ACTR3C: variants seen among roughly 807,000 people sequenced by gnomAD.
ACTR3C encodes actin-related protein 3C.
In ACTR3C, 18 loss-of-function variants were observed where a neutral mutation model predicts 26.3. That is an observed-to-expected ratio of 0.68 (90% CI 0.47 to 1.01). The LOEUF is 1.01. ACTR3C is among the 50% of genes least tolerant of loss of function. The pLI, the probability that ACTR3C is intolerant of heterozygous loss-of-function variation, is 0.00. For synonymous variants in ACTR3C, 55 were observed against 94.5 expected (o/e 0.58, Z 2.42); for missense variants, 184 against 250.7 (o/e 0.73, Z 1.80).
At chr7:150,242,190 T>G (rs1832218623), downstream of ACTR3C, among the ~76,000 whole-genome samples, 1 of 149,700 alleles carries the variant, frequency 6.7e-6, no homozygotes, top group African/African-American at 2.5e-5. Flanking sequence ...CACTCCAGCC[T>G]GGGCGACACA....
the ACTR3C span, among the ~76,000 whole-genome samples, chr7:150,166,621 C>T: frequency 3.1e-4 from 47 of 150,370 alleles, 1 homozygote; most frequent in Non-Finnish European, 5.4e-4. Context: ...GTGGCTTGAA[C>T]CTGGGAGGCA....
chr7:150,036,628 C>G, the ACTR3C span, among the ~76,000 whole-genome samples: 1 of 143,010 alleles, frequency 7.0e-6, no homozygotes, highest in Admixed American at 6.9e-5. Context: ...TACGAAACCC[C>G]ACAGCTCCTA....
the ACTR3C span, among the ~76,000 whole-genome samples, chr7:150,110,796 C>T: frequency 1.2e-5 from 1 of 86,094 alleles, no homozygotes; most frequent in African/African-American, 4.8e-5. Flanking sequence ...GAGGCAAGGC[C>T]GGCAGGGGGC....
intron 4 of ACTR3C, among the ~76,000 whole-genome samples, chr7:150,287,027 C>T (rs1470989002): frequency 2.0e-5 from 3 of 152,176 alleles, no homozygotes; most frequent in Admixed American, 1.3e-4. Context: ...TGCCACAAGC[C>T]GGGTGGCCAC....
the ACTR3C span, among the ~76,000 whole-genome samples, chr7:149,882,799 G>A: frequency 6.6e-6 from 1 of 152,192 alleles, no homozygotes; most frequent in Non-Finnish European, 1.5e-5. Flanking sequence ...GAGAACGTAG[G>A]AGTCGGGAAA....
At chr7:150,163,103 G>A in the ACTR3C span, among the ~76,000 whole-genome samples, 65 of 151,430 alleles carry the variant, frequency 4.3e-4, no homozygotes, top group Non-Finnish European at 6.0e-4. Context: ...GCAGCAGGTC[G>A]AGATCACACC....
At chr7:150,030,750 C>A in the ACTR3C span, among the ~76,000 whole-genome samples, 2 of 152,094 alleles carry the variant, frequency 1.3e-5, no homozygotes, top group African/African-American at 4.8e-5. Context: ...TTCCCACACA[C>A]CCCTCCCACC....
chr7:149,959,479 T>C, the ACTR3C span, among the ~76,000 whole-genome samples: 1 of 152,186 alleles, frequency 6.6e-6, no homozygotes, highest in East Asian at 1.9e-4. Flanking sequence ...GCTTTTGTGT[T>C]ATCTCTCTAG....
At chr7:150,131,752 G>A in the ACTR3C span, among the ~76,000 whole-genome samples, 53 of 152,210 alleles carry the variant, frequency 3.5e-4, no homozygotes, top group African/African-American at 6.7e-4. Context: ...ACAAAAGCAC[G>A]TACACAAATA....
chr7:149,944,708 C>A, the ACTR3C span, among the ~76,000 whole-genome samples: 4 of 151,864 alleles, frequency 2.6e-5, no homozygotes, highest in African/African-American at 9.7e-5. Flanking sequence ...TGTGGCAAGC[C>A]TACCCCACTG....
chr7:149,921,333 G>A, the ACTR3C span, among the ~76,000 whole-genome samples: 5 of 151,808 alleles, frequency 3.3e-5, no homozygotes, highest in Admixed American at 1.3e-4. Context: ...CTTTCCTACC[G>A]TGGTCTACGT....
intron 6 of ACTR3C, among the ~76,000 whole-genome samples, chr7:150,251,723 G>T (rs1163001911): frequency 6.6e-6 from 1 of 151,944 alleles, no homozygotes; most frequent in African/African-American, 2.4e-5. Context: ...ATTAGCACTA[G>T]CTTAGAGGAA....
chr7:150,319,622 G>A (rs190773279), intron 1 of ACTR3C, among the ~76,000 whole-genome samples: 1 of 152,328 alleles, frequency 6.6e-6, no homozygotes, highest in East Asian at 1.9e-4. Flanking sequence ...TGGGAAGATG[G>A]AGGCAAAGCA....
At chr7:149,992,143 G>A in the ACTR3C span, among the ~76,000 whole-genome samples, 1 of 152,204 alleles carries the variant, frequency 6.6e-6, no homozygotes, top group Non-Finnish European at 1.5e-5. Flanking sequence ...TTATGCAAAG[G>A]TTAAGAGCTG....
chr7:150,216,774 G>A, the ACTR3C span, among the ~76,000 whole-genome samples: 1 of 151,620 alleles, frequency 6.6e-6, no homozygotes, highest in Non-Finnish European at 1.5e-5. Flanking sequence ...ATTGCTTTAG[G>A]CCAGGAGTTT....
At chr7:150,195,087 C>G in the ACTR3C span, among the ~76,000 whole-genome samples, 1 of 126,126 alleles carries the variant, frequency 7.9e-6, no homozygotes, top group Non-Finnish European at 1.6e-5. Flanking sequence ...GAGTGAGACT[C>G]TGTTTCAAAA....
chr7:150,094,023 C>A, the ACTR3C span, among the ~76,000 whole-genome samples: 1 of 150,554 alleles, frequency 6.6e-6, no homozygotes, highest in South Asian at 2.1e-4. Flanking sequence ...AAGCAGAGCA[C>A]AGATAGGTAA....
the ACTR3C span, among the ~76,000 whole-genome samples, chr7:149,905,680 G>A: frequency 6.7e-6 from 1 of 149,450 alleles, no homozygotes; most frequent in African/African-American, 2.5e-5. Flanking sequence ...GATATGAACA[G>A]GTAATGAAAG....
the ACTR3C span, among the ~76,000 whole-genome samples, chr7:150,071,698 G>A: frequency 9.3e-4 from 140 of 150,168 alleles, no homozygotes; most frequent in Non-Finnish European, 1.3e-3. Context: ...TGGTGTGGTC[G>A]GAGCTGCTCA....
Sources: gnomAD v4.1 joint callset for allele counts (sites outside exome capture counted in the v4.1 genomes callset) on GRCh38, gnomAD v4.1.1 for gene constraint, MANE v1.5 for transcripts, NCBI Gene and HGNC (gene_info 2026-07-23, HGNC 2026-07-21) for gene names.